Variants in SETBP1 observed in about 807,000 individuals in gnomAD.
SETBP1 encodes SET binding protein 1, also known as SET-binding protein.
A neutral mutation model predicts 101.0 loss-of-function variants in SETBP1; 9 were observed. The ratio of observed to expected loss-of-function variants is 0.09; its 90% CI spans 0.05 to 0.16. The LOEUF is 0.16. Among genes scored for constraint, SETBP1 ranks in the 10% least tolerant of loss-of-function variants. The pLI, the probability that SETBP1 is intolerant of heterozygous loss-of-function variation, is 1.00. For synonymous variants in SETBP1, 818 were observed against 788.5 expected (o/e 1.04, Z -0.63); for missense variants, 1,858 against 2,033.8 (o/e 0.91, Z 1.66).
intron 4 of SETBP1, among the ~76,000 whole-genome samples, chr18:44,966,495 T>C (rs1327987380): frequency 1.3e-5 from 2 of 152,248 alleles, no homozygotes; most frequent in Non-Finnish European, 2.9e-5. Context: ...TGCTTATTTT[T>C]ATATGGCCTT....
chr18:44,765,180 G>A (rs879346511), intron 2 of SETBP1, among the ~76,000 whole-genome samples: 23 of 152,036 alleles, frequency 1.5e-4, no homozygotes, highest in Non-Finnish European at 2.9e-4. Flanking sequence ...TTCCTTGTGT[G>A]TTGAATGGGT....
chr18:44,962,277 C>A (rs987630999), intron 4 of SETBP1, among the ~76,000 whole-genome samples: 2 of 152,102 alleles, frequency 1.3e-5, no homozygotes, highest in Non-Finnish European at 1.5e-5. Flanking sequence ...AGTGCTCCAG[C>A]AGCATGAGTG....
chr18:44,885,892 T>G (rs2144758511), intron 3 of SETBP1, among the ~76,000 whole-genome samples: 1 of 139,350 alleles, frequency 7.2e-6, no homozygotes, highest in Non-Finnish European at 1.6e-5. Context: ...CCTGTGAGAG[T>G]TGCTTCAATT....
At chr18:44,928,738 G>T (rs1472524637) in intron 3 of SETBP1, among the ~76,000 whole-genome samples, 1 of 152,218 alleles carries the variant, frequency 6.6e-6, no homozygotes, top group African/African-American at 2.4e-5. Context: ...CTTTTGAGAA[G>T]TGTCTGTTCA....
intron 2 of SETBP1, among the ~76,000 whole-genome samples, chr18:44,820,398 G>T (rs181606666): frequency 9.2e-5 from 14 of 152,288 alleles, no homozygotes; most frequent in Admixed American, 7.8e-4. Context: ...GCCATCAAAT[G>T]CTGAGAGATC....
At chr18:44,696,328 C>T (rs1194244093) in intron 1 of SETBP1, among the ~76,000 whole-genome samples, 2 of 152,130 alleles carry the variant, frequency 1.3e-5, no homozygotes, top group African/African-American at 4.8e-5. Flanking sequence ...ATAGACCAGG[C>T]ACAGTCTAAG....
chr18:44,721,614 A>T (rs914339039), intron 2 of SETBP1, among the ~76,000 whole-genome samples: 1 of 98,096 alleles, frequency 1.0e-5, no homozygotes, highest in Non-Finnish European at 2.0e-5. Context: ...GAAATGGTGT[A>T]GGTGGGTCGG....
intron 2 of SETBP1, among the ~76,000 whole-genome samples, chr18:44,827,241 G>A (rs545573307): frequency 2.0e-5 from 3 of 152,284 alleles, no homozygotes; most frequent in East Asian, 1.9e-4. Flanking sequence ...TATAGTTTCC[G>A]AAAGAAAAAT....
At chr18:45,024,897 G>A (rs2073134939) in intron 4 of SETBP1, among the ~76,000 whole-genome samples, 2 of 152,156 alleles carry the variant, frequency 1.3e-5, no homozygotes, top group South Asian at 2.1e-4. Context: ...ATCCATCAGG[G>A]TTGAGCTACA....
chr18:44,808,096 C>T lies in SETBP1; in HGVS notation c.487-61134C>T, dbSNP rs536279036. Among the ~76,000 whole-genome samples, 3 of 152,288 alleles carry T rather than the reference C, an allele frequency of 2.0e-5. No individual in the cohort carries two copies. The South Asian group carries it at 6.2e-4, about 32-fold the overall frequency. On this transcript the variant is annotated intron_variant, in intron 2 of 5. Transcript: ENST00000649279. Reference sequence around the variant, plus strand: ...CCACCAGCACTCTGGAGGCTCCTGTCGTTCCAGTACCTTCCTATTTGTGCT... The same window carrying T: ...CCACCAGCACTCTGGAGGCTCCTGTTGTTCCAGTACCTTCCTATTTGTGCT...
At position 45,065,352 on chromosome 18, in the gene SETBP1, G is replaced by C. The variant is rs2145602254; in HGVS notation, c.*1654G>C. 1 of 152,304 alleles carries C rather than the reference G, an allele frequency of 6.6e-6. No individual in the cohort carries two copies. The highest frequency in any genetic ancestry group is 3.4e-3 in the Middle Eastern group (1 of 294). The allele number at this position is 152,304 out of a possible 1,614,324, so 9.4% of individuals were successfully genotyped here. A position where few individuals can be genotyped will look rare whatever the true frequency, so the allele number is the denominator to read the frequency against. On this transcript the variant is annotated 3_prime_UTR_variant, in exon 6 of 6. Transcript: ENST00000649279. ...CACCTGGCATGGTAGATTATAGAAA[G>C]AGACACTGAGAGAGAGAATTAAATT...
At chr18:44,993,633 G>GA (rs1568015425) in intron 4 of SETBP1, among the ~76,000 whole-genome samples, 1 of 151,886 alleles carries the variant, frequency 6.6e-6, no homozygotes, top group Non-Finnish European at 1.5e-5. Context: ...ATACAATTGA[G>GA]AAAAATATGT....
intron 2 of SETBP1, among the ~76,000 whole-genome samples, chr18:44,756,762 T>C (rs927527791): frequency 1.1e-4 from 16 of 152,188 alleles, no homozygotes; most frequent in Non-Finnish European, 1.5e-5. Context: ...ACCTCTGTCC[T>C]TAAAATTTGC....
At chr18:44,971,267 G>A (rs1326914854) in intron 4 of SETBP1, among the ~76,000 whole-genome samples, 3 of 152,128 alleles carry the variant, frequency 2.0e-5, no homozygotes, top group South Asian at 2.1e-4. Context: ...TCTTAATCCA[G>A]TCTATCATTG....
intron 5 of SETBP1, among the ~76,000 whole-genome samples, chr18:45,041,842 A>G (rs542985801): frequency 1.3e-5 from 2 of 152,150 alleles, no homozygotes; most frequent in African/African-American, 4.8e-5. Context: ...CTGTAATCCC[A>G]GCTACTCAGG....
chr18:44,685,674 C>T (rs1691751531), intron 1 of SETBP1, among the ~76,000 whole-genome samples: 1 of 152,150 alleles, frequency 6.6e-6, no homozygotes, highest in South Asian at 2.1e-4. Flanking sequence ...TTAAATAATA[C>T]CAGCTAATTT....
At chr18:44,708,961 C>T (rs1183636224) in intron 2 of SETBP1, among the ~76,000 whole-genome samples, 2 of 152,042 alleles carry the variant, frequency 1.3e-5, no homozygotes, top group South Asian at 2.1e-4. Flanking sequence ...CCTTTTAGCC[C>T]GAAATGTCAA....
intron 3 of SETBP1, among the ~76,000 whole-genome samples, chr18:44,912,029 TGGA>T (rs1245693613): frequency 2.6e-5 from 4 of 152,146 alleles, no homozygotes; most frequent in Non-Finnish European, 4.4e-5. Flanking sequence ...CTAGTGGTTT[TGGA>T]GGAGAAGTGA....
Position 44,950,596 on chromosome 18 carries a change from A to G in SETBP1, c.1256A>G (p.Lys419Arg), listed in dbSNP as rs1402535207. Residue 419 changes from lysine (K) to arginine (R), a missense_variant, in exon 4 of 6, where the codon AAA becomes AGA. Lys to Arg is a conservative substitution (Grantham distance 26, BLOSUM62 2). Transcript: ENST00000649279. ...CTGGATCCAACCAACCATAAGAGGA[A>G]AAAAAGACAGTCCATTAAAGCGGTG... ...PSLDPTNHKR[K>R]KRQSIKAVVE... 1.9e-6 allele frequency: 3 copies of G among 1,614,122 alleles called. No individual in the cohort carries two copies. Among genetic ancestry groups the G allele is most frequent in the Non-Finnish European group, 2.5e-6 (3 of 1,180,020 alleles).
Sources: gnomAD v4.1 joint callset for allele counts (sites outside exome capture counted in the v4.1 genomes callset) on GRCh38, gnomAD v4.1.1 for gene constraint, MANE v1.5 for transcripts, NCBI Gene and HGNC (gene_info 2026-07-23, HGNC 2026-07-21) for gene names.